DIS3L2: variants seen among roughly 807,000 people sequenced by gnomAD.
DIS3L2 encodes DIS3 like 3'-5' exoribonuclease 2, also known as DIS3-like exonuclease 2.
A neutral mutation model predicts 97.5 loss-of-function variants in DIS3L2; 34 were observed. The ratio of observed to expected loss-of-function variants is 0.35; its 90% confidence interval spans 0.27 to 0.46. DIS3L2 has a LOEUF of 0.46. Ranked by LOEUF, DIS3L2 falls within the 20% of genes least tolerant of loss-of-function variation. The pLI is 1.00. For missense variants in DIS3L2, 1,038 were observed against 1,146.0 expected (o/e 0.91, Z 1.36); for synonymous variants, 435 against 445.2 (o/e 0.98, Z 0.29).
intron 13 of DIS3L2, among the ~76,000 whole-genome samples, chr2:232,275,535 C>G (rs1694119431): frequency 6.6e-6 from 1 of 152,070 alleles, no homozygotes; most frequent in African/African-American, 2.4e-5. Context: ...CAAGAAACTC[C>G]CACATTTTTA....
At chr2:232,175,178 T>C (rs1331511420) in intron 9 of DIS3L2, among the ~76,000 whole-genome samples, 1 of 152,112 alleles carries the variant, frequency 6.6e-6, no homozygotes, top group Admixed American at 6.6e-5. Context: ...TTGTAGATGC[T>C]CTCTATCAGC....
chr2:232,222,095 A>G (rs140889538), intron 10 of DIS3L2, among the ~76,000 whole-genome samples: 3,317 of 151,852 alleles, frequency 0.022, 111 homozygotes, highest in African/African-American at 0.075. Context: ...GGCACACGCC[A>G]CTGTGCCTGG....
intron 1 of DIS3L2, among the ~76,000 whole-genome samples, chr2:232,008,967 A>G (rs1382952054): frequency 1.3e-5 from 2 of 152,084 alleles, no homozygotes; most frequent in Admixed American, 6.5e-5. Context: ...TTTATTGGTT[A>G]TTTCTTCTGC....
Position 232,253,686 on chromosome 2 carries a change from G to A in DIS3L2, c.1425+4340G>A, listed in dbSNP as rs565159882. 5.3e-5 allele frequency among the ~76,000 whole-genome samples: 8 copies of A among 152,162 alleles called. No homozygotes were observed. In the South Asian group the frequency reaches 1.7e-3, roughly 32 times the overall value. ...GTGGGCATGGTGGGGGAGGGAGTGT[G>A]TATGGAAGAAAAAATAAATTATCTT... On this transcript the variant is annotated intron_variant, in intron 12 of 20. Transcript: ENST00000325385.
At chr2:232,045,737 C>T (rs993374091) in intron 5 of DIS3L2, among the ~76,000 whole-genome samples, 3 of 134,242 alleles carry the variant, frequency 2.2e-5, no homozygotes, top group Admixed American at 8.8e-5. Context: ...TGCAGTGGTG[C>T]GATCTCGGCT....
chr2:232,087,759 A>G, intron 6 of DIS3L2, 38 bp downstream of exon 6: 1 of 1,472,210 alleles, frequency 6.8e-7, no homozygotes, highest in Middle Eastern at 1.7e-4. Flanking sequence ...TTTTTTAAGT[A>G]CACTGATTAA....
intron 1 of DIS3L2, among the ~76,000 whole-genome samples, chr2:232,014,397 A>C (rs1481193320): frequency 1.3e-5 from 2 of 152,232 alleles, no homozygotes; most frequent in Admixed American, 1.3e-4. Flanking sequence ...ACTTGGTTTC[A>C]TAGAGGTATA....
chr2:231,995,030 C>T (rs1473484862), intron 1 of DIS3L2, among the ~76,000 whole-genome samples: 1 of 152,104 alleles, frequency 6.6e-6, no homozygotes, highest in Non-Finnish European at 1.5e-5. Context: ...GTCTCGAACT[C>T]CTGAGCTCAA....
chr2:232,066,260 G>A (rs1172702562), intron 5 of DIS3L2, among the ~76,000 whole-genome samples: 1 of 151,846 alleles, frequency 6.6e-6, no homozygotes, highest in Non-Finnish European at 1.5e-5. Flanking sequence ...AATTATGTTA[G>A]TTTTAGGTTT....
At chr2:232,070,039 G>A (rs1695965685) in intron 5 of DIS3L2, among the ~76,000 whole-genome samples, 1 of 152,188 alleles carries the variant, frequency 6.6e-6, no homozygotes, top group East Asian at 1.9e-4. Flanking sequence ...ATACAGTAAA[G>A]AGTATGAGTC....
chr2:232,336,938 C>T lies in DIS3L2; in HGVS notation c.*308C>T. ...TGCCCAGGAAATGGGGGGGTTTCAG[C>T]AACTCAGTGTCACAGAATAAAATCA... On this transcript the variant is annotated 3_prime_UTR_variant, in exon 21 of 21. Coordinates refer to ENST00000325385, the MANE Select transcript of DIS3L2 (RefSeq NM_152383.5). 1 of 1,206,154 alleles carries T rather than the reference C, an allele frequency of 8.3e-7. No homozygotes were observed. The highest frequency in any genetic ancestry group is 1.0e-6 in the Non-Finnish European group (1 of 963,858). The allele number at this position is 1,206,154 out of a possible 1,614,324, so 74.7% of individuals were successfully genotyped here.
intron 9 of DIS3L2, among the ~76,000 whole-genome samples, chr2:232,185,101 G>A (rs1691399613): frequency 6.6e-6 from 1 of 152,262 alleles, no homozygotes; most frequent in African/African-American, 2.4e-5. Flanking sequence ...CAAGGACTGG[G>A]TGTTACTTTT....
chr2:232,018,162 A>C (rs997863469), intron 3 of DIS3L2, among the ~76,000 whole-genome samples: 8 of 152,226 alleles, frequency 5.3e-5, no homozygotes, highest in Admixed American at 4.6e-4. Context: ...TCTAGAGATA[A>C]GGAGAGGACA....
chr2:232,056,227 T>C (rs920073689), intron 5 of DIS3L2, among the ~76,000 whole-genome samples: 1 of 151,948 alleles, frequency 6.6e-6, no homozygotes, highest in Non-Finnish European at 1.5e-5. Flanking sequence ...GAAAATTAGC[T>C]GGGCCTGGTG....
intron 12 of DIS3L2, among the ~76,000 whole-genome samples, chr2:232,258,322 T>C (rs1693622338): frequency 6.6e-6 from 1 of 152,156 alleles, no homozygotes. Flanking sequence ...TGGTGGCTCA[T>C]GCCTGTAATC....
intron 5 of DIS3L2, among the ~76,000 whole-genome samples, chr2:232,072,808 G>GTGTGTGTT (rs1275328407): frequency 6.6e-6 from 1 of 151,396 alleles, no homozygotes; most frequent in East Asian, 1.9e-4. Flanking sequence ...GTGTGTGTGT[G>GTGTGTGTT]TGTGTGTGTG....
chr2:232,068,296 G>A (rs1187717767), intron 5 of DIS3L2, among the ~76,000 whole-genome samples: 1 of 151,764 alleles, frequency 6.6e-6, no homozygotes, highest in Non-Finnish European at 1.5e-5. Flanking sequence ...GGTGGGCCAA[G>A]TGCAGTGGCT....
chr2:231,984,488 G>A (rs1271684338), intron 1 of DIS3L2, among the ~76,000 whole-genome samples: 1 of 149,144 alleles, frequency 6.7e-6, no homozygotes, highest in Non-Finnish European at 1.5e-5. Context: ...CCGGGTTCAC[G>A]CCATTCTCCT....
chr2:232,009,605 G>T (rs1410936788), intron 1 of DIS3L2, among the ~76,000 whole-genome samples: 1 of 152,120 alleles, frequency 6.6e-6, no homozygotes, highest in Non-Finnish European at 1.5e-5. Context: ...TTTTTGTGAG[G>T]CTTGGAGAAT....
Sources: allele counts gnomAD v4.1 joint callset (sites outside exome capture counted in the v4.1 genomes callset), GRCh38; gene constraint gnomAD v4.1.1; transcripts MANE v1.5; gene names NCBI Gene and HGNC (gene_info 2026-07-23, HGNC 2026-07-21).